Variants in RALGAPA1 observed in about 807,000 individuals in gnomAD.
RALGAPA1 encodes ral GTPase-activating protein subunit alpha-1.
RALGAPA1 carries 52 observed loss-of-function variants against 269.6 expected under a neutral mutation model. The observed-to-expected ratio is 0.19, with a 90% CI of 0.15 to 0.24. The LOEUF is 0.24. Among genes scored for constraint, RALGAPA1 ranks in the 10% least tolerant of loss-of-function variants. The pLI is 1.00. For synonymous variants in RALGAPA1, 817 were observed against 1,008.3 expected (o/e 0.81, Z 3.60); for missense variants, 1,917 against 3,013.9 (o/e 0.64, Z 8.52).
intron 10 of RALGAPA1, among the ~76,000 whole-genome samples, chr14:35,745,633 G>A (rs1442339925): frequency 4.0e-5 from 6 of 151,708 alleles, no homozygotes; most frequent in African/African-American, 1.2e-4. Context: ...GCATGGTGGC[G>A]CATGCCTGTA....
At chr14:35,723,331 C>T (rs931166764) in intron 14 of RALGAPA1, 67 bp from the exon 15 acceptor site, 4 of 856,308 alleles carry the variant, frequency 4.7e-6, no homozygotes, top group Non-Finnish European at 7.2e-6. Context: ...ATCAGACATT[C>T]AATTCTTAAA....
intron 20 of RALGAPA1, among the ~76,000 whole-genome samples, chr14:35,684,714 G>A (rs943922722): frequency 2.6e-5 from 4 of 152,104 alleles, no homozygotes; most frequent in African/African-American, 7.2e-5. Flanking sequence ...CCAGCTACTC[G>A]GAAGGCTGAC....
chr14:35,708,085 C>G (rs1002545628), intron 16 of RALGAPA1, among the ~76,000 whole-genome samples: 1 of 152,110 alleles, frequency 6.6e-6, no homozygotes, highest in African/African-American at 2.4e-5. Flanking sequence ...AACTAGATCC[C>G]TTTCTCCATA....
At chr14:35,566,155 C>T (rs1365723808) in intron 39 of RALGAPA1, among the ~76,000 whole-genome samples, 1 of 151,916 alleles carries the variant, frequency 6.6e-6, no homozygotes, top group East Asian at 1.9e-4. Context: ...ACCTAGCTGA[C>T]AAAATCAGAA....
In RALGAPA1 at chr14:35,797,351, C is replaced by CAAAAAAAAAAAAAAAAA. The variant is rs530576211; in HGVS notation, c.106+11362_106+11378dup. ...CTGGTGACAGAGCGAGACTCCGTCTCAAAAAAAAAAAAAAAAAGATGCCAA... is the reference window on the plus strand; with the variant it reads ...CTGGTGACAGAGCGAGACTCCGTCTCAAAAAAAAAAAAAAAAAAAAAAAAAAAAAAAAAAGATGCCAA... On this transcript the variant is annotated intron_variant, in intron 1 of 41. Coordinates refer to ENST00000680220, the MANE Select transcript of RALGAPA1 (RefSeq NM_001346249.2). 3.4e-3 allele frequency among the ~76,000 whole-genome samples: 206 copies of CAAAAAAAAAAAAAAAAA among 59,896 alleles called. 20 individuals are homozygous for CAAAAAAAAAAAAAAAAA. Among genetic ancestry groups the CAAAAAAAAAAAAAAAAA allele is most frequent in the African/African-American group, 0.01 (134 of 12,940 alleles). 39.3% of individuals were successfully genotyped at this position (59,896 alleles called of 152,430 possible).
intron 10 of RALGAPA1, among the ~76,000 whole-genome samples, chr14:35,743,240 G>A (rs572961542): frequency 6.6e-6 from 1 of 151,604 alleles, no homozygotes; most frequent in East Asian, 1.9e-4. Flanking sequence ...TTTATTTATC[G>A]TATTATAAAA....
intron 31 of RALGAPA1, among the ~76,000 whole-genome samples, chr14:35,650,658 A>G (rs1046418819): frequency 1.3e-5 from 2 of 152,232 alleles, no homozygotes; most frequent in East Asian, 1.9e-4. Context: ...GTCCAGAAAC[A>G]TAACTATAGC....
chr14:35,615,295 G>A (rs2060183020), intron 35 of RALGAPA1, among the ~76,000 whole-genome samples: 1 of 152,092 alleles, frequency 6.6e-6, no homozygotes, highest in African/African-American at 2.4e-5. Flanking sequence ...ATATCATTTT[G>A]TGATTTGAAA....
chr14:35,638,036 C>G (rs184945162), intron 31 of RALGAPA1, among the ~76,000 whole-genome samples: 1 of 152,290 alleles, frequency 6.6e-6, no homozygotes, highest in East Asian at 1.9e-4. Context: ...GGGATTTCAT[C>G]AACACCAAAT....
intron 12 of RALGAPA1, among the ~76,000 whole-genome samples, chr14:35,735,537 A>C (rs952120257): frequency 1.3e-5 from 2 of 152,110 alleles, no homozygotes. Flanking sequence ...AGAATGATAC[A>C]AGGGACTTTG....
intron 16 of RALGAPA1, among the ~76,000 whole-genome samples, chr14:35,713,690 A>G (rs1370269634): frequency 6.6e-6 from 1 of 152,112 alleles, no homozygotes; most frequent in Non-Finnish European, 1.5e-5. Context: ...CTATAGTAAT[A>G]CTAGAGCATA....
intron 31 of RALGAPA1, among the ~76,000 whole-genome samples, chr14:35,641,039 T>G (rs2061993455): frequency 6.6e-6 from 1 of 152,144 alleles, no homozygotes; most frequent in African/African-American, 2.4e-5. Flanking sequence ...CATCCCTTCA[T>G]GATGAACACC....
intron 31 of RALGAPA1, among the ~76,000 whole-genome samples, chr14:35,637,360 A>T (rs969877076): frequency 1.2e-4 from 19 of 152,224 alleles, no homozygotes; most frequent in African/African-American, 4.6e-4. Context: ...GATAAATTTA[A>T]CAAAGAGATT....
chr14:35,706,078 A>G (rs1325638792), intron 16 of RALGAPA1, among the ~76,000 whole-genome samples: 3 of 152,154 alleles, frequency 2.0e-5, no homozygotes, highest in African/African-American at 7.2e-5. Flanking sequence ...TTTTCTCCCC[A>G]TCTGTGACTT....
chr14:35,609,248 A>G (rs28750986), intron 35 of RALGAPA1, among the ~76,000 whole-genome samples: 2 of 148,862 alleles, frequency 1.3e-5, no homozygotes, highest in African/African-American at 2.4e-5. Context: ...ACCAAAAAAC[A>G]AAAAAAAACA....
intron 17 of RALGAPA1, among the ~76,000 whole-genome samples, chr14:35,697,685 C>A (rs953372717): frequency 6.6e-6 from 1 of 151,222 alleles, no homozygotes; most frequent in Non-Finnish European, 1.5e-5. Flanking sequence ...TTTCTAAGGG[C>A]CTTTGGTATG....
At chr14:35,694,505 T>C (rs2066745635) in intron 17 of RALGAPA1, among the ~76,000 whole-genome samples, 1 of 152,168 alleles carries the variant, frequency 6.6e-6, no homozygotes, top group African/African-American at 2.4e-5. Context: ...ATGTTCAATT[T>C]GCAGGTAATT....
At chr14:35,632,499 C>A (rs140364742) in intron 33 of RALGAPA1, among the ~76,000 whole-genome samples, 1 of 152,136 alleles carries the variant, frequency 6.6e-6, no homozygotes, top group South Asian at 2.1e-4. Context: ...ATTCACTGCA[C>A]TGTAATAGAA....
At chr14:35,786,110 T>C (rs920164892) in intron 1 of RALGAPA1, among the ~76,000 whole-genome samples, 3 of 151,832 alleles carry the variant, frequency 2.0e-5, no homozygotes, top group African/African-American at 7.3e-5. Context: ...TGAGCCGAGA[T>C]TGTGCCACTG....
Sources: allele counts gnomAD v4.1 joint callset (sites outside exome capture counted in the v4.1 genomes callset), GRCh38; gene constraint gnomAD v4.1.1; transcripts MANE v1.5; gene names NCBI Gene and HGNC (gene_info 2026-07-23, HGNC 2026-07-21).